RHOBTB1: variants seen among roughly 807,000 people sequenced by gnomAD.
RHOBTB1 encodes Rho related BTB domain containing 1.
A neutral mutation model predicts 71.6 loss-of-function variants in RHOBTB1; 40 were observed. The ratio of observed to expected loss-of-function variants is 0.56; its 90% CI spans 0.43 to 0.73. The LOEUF (loss-of-function observed/expected upper bound fraction) is 0.73. RHOBTB1 is among the 30% of genes least tolerant of loss of function. The probability of loss-of-function intolerance (pLI) is 0.00; values close to 1 mark genes in which losing one functional copy is unlikely to be tolerated. For synonymous variants in RHOBTB1, 319 were observed against 334.9 expected (o/e 0.95, Z 0.52); for missense variants, 797 against 894.0 (o/e 0.89, Z 1.38).
downstream of RHOBTB1, among the ~76,000 whole-genome samples, chr10:60,868,922 A>C (rs890098858): frequency 2.3e-4 from 35 of 152,220 alleles, no homozygotes; most frequent in African/African-American, 8.2e-4. Flanking sequence ...AGTTATGGGT[A>C]GCCTGTCACT....
chr10:60,952,962 A>G (rs1435886958), intron 2 of RHOBTB1, among the ~76,000 whole-genome samples: 1 of 152,126 alleles, frequency 6.6e-6, no homozygotes, highest in African/African-American at 2.4e-5. Flanking sequence ...AAAACACACA[A>G]CGCAAGCTTT....
intron 9 of RHOBTB1, among the ~76,000 whole-genome samples, chr10:60,874,065 A>G (rs566124133): frequency 1.3e-5 from 2 of 152,284 alleles, no homozygotes; most frequent in Admixed American, 1.3e-4. Context: ...TCTCCCTGAA[A>G]CCACCTCCTT....
At chr10:60,989,926 A>G (rs997858700) in intron 1 of RHOBTB1, among the ~76,000 whole-genome samples, 8 of 149,102 alleles carry the variant, frequency 5.4e-5, no homozygotes, top group African/African-American at 1.7e-4. Flanking sequence ...TACTCTTGGT[A>G]TGCAGGTTCA....
the RHOBTB1 span, among the ~76,000 whole-genome samples, chr10:60,862,866 TTCCTTCCTTCCC>T: frequency 3.6e-3 from 411 of 112,916 alleles, 3 homozygotes; most frequent in African/African-American, 0.013. Flanking sequence ...CCTCCCTCCC[TTCCTTCCTTCCC>T]TCCTTCCTTC....
At chr10:60,994,742 A>G (rs750959407) in intron 1 of RHOBTB1, among the ~76,000 whole-genome samples, 3 of 152,006 alleles carry the variant, frequency 2.0e-5, no homozygotes, top group Non-Finnish European at 2.9e-5. Flanking sequence ...TAAACTAAAT[A>G]AAAAATAACT....
At chr10:60,941,525 C>G (rs1283620770) in intron 2 of RHOBTB1, among the ~76,000 whole-genome samples, 1 of 152,098 alleles carries the variant, frequency 6.6e-6, no homozygotes, top group Admixed American at 6.6e-5. Context: ...CCCCAGTATT[C>G]TCAACCACGG....
intron 1 of RHOBTB1, among the ~76,000 whole-genome samples, chr10:60,989,873 A>C (rs557160536): frequency 1.3e-5 from 2 of 151,988 alleles, no homozygotes; most frequent in South Asian, 4.2e-4. Flanking sequence ...TGGCTGTAGG[A>C]GCACCACTGA....
At chr10:60,902,196 C>T (rs991291033) in intron 4 of RHOBTB1, among the ~76,000 whole-genome samples, 1 of 152,210 alleles carries the variant, frequency 6.6e-6, no homozygotes, top group African/African-American at 2.4e-5. Flanking sequence ...GAGAATGGTA[C>T]ATGTATCTTC....
At chr10:60,989,978 C>CTTTTTT (rs769184320) in intron 1 of RHOBTB1, among the ~76,000 whole-genome samples, 11 of 122,292 alleles carry the variant, frequency 9.0e-5, no homozygotes, top group Non-Finnish European at 1.5e-4. Flanking sequence ...TCAGAATGTC[C>CTTTTTT]TTTTTTTTTT....
intron 7 of RHOBTB1, among the ~76,000 whole-genome samples, chr10:60,879,214 C>CGGTGCTGG (rs2081191358): frequency 6.6e-6 from 1 of 152,122 alleles, no homozygotes; most frequent in African/African-American, 2.4e-5. Flanking sequence ...AATTTCTCTG[C>CGGTGCTGG]GGTGCTGGAA....
rs997115380 is a variant in RHOBTB1 at position 60,979,155 on chromosome 10, G to A, written c.-62+6690C>T. On this transcript the variant is annotated intron_variant, in intron 2 of 11. Coordinates refer to the RHOBTB1 transcript ENST00000357917. The stretch of plus-strand genomic sequence containing the variant: ...AGGAAAAGTGTGCCTAGGTTCAAAG[G>A]AAACTAATCCTCTTTTGTTTTTTTA... 3.3e-5 allele frequency among the ~76,000 whole-genome samples: 5 copies of A among 152,124 alleles called. No homozygotes were observed. The South Asian group carries it at 8.3e-4, about 25-fold the overall frequency.
intron 8 of RHOBTB1, among the ~76,000 whole-genome samples, chr10:60,875,582 C>T (rs113821031): frequency 6.6e-6 from 1 of 152,278 alleles, no homozygotes; most frequent in African/African-American, 2.4e-5. Context: ...CACATCACTG[C>T]AATCCTTAAT....
intron 2 of RHOBTB1, among the ~76,000 whole-genome samples, chr10:60,972,351 C>T (rs935303588): frequency 2.0e-5 from 3 of 152,100 alleles, no homozygotes; most frequent in African/African-American, 7.2e-5. Context: ...GAATACTATG[C>T]AGCCATAAAA....
At chr10:60,916,560 T>G (rs2083278715) in intron 2 of RHOBTB1, among the ~76,000 whole-genome samples, 1 of 152,190 alleles carries the variant, frequency 6.6e-6, no homozygotes, top group Non-Finnish European at 1.5e-5. Context: ...GTACCTTCAC[T>G]CCTCTATTTA....
intron 4 of RHOBTB1, 21 bp downstream of exon 4, chr10:60,910,866 G>T: frequency 1.9e-6 from 3 of 1,567,704 alleles, no homozygotes; most frequent in South Asian, 2.2e-5. Context: ...GCTCAACCAC[G>T]CTGTACTAGT....
At chr10:60,927,746 CAAACGATG>C (rs1376171867) in intron 2 of RHOBTB1, among the ~76,000 whole-genome samples, 2 of 152,104 alleles carry the variant, frequency 1.3e-5, no homozygotes, top group Non-Finnish European at 2.9e-5. Context: ...TCTAAGACCT[CAAACGATG>C]AAACGATTAT....
intron 2 of RHOBTB1, among the ~76,000 whole-genome samples, chr10:60,936,492 C>T (rs1161558894): frequency 1.3e-5 from 2 of 152,252 alleles, no homozygotes; most frequent in Admixed American, 1.3e-4. Context: ...TCACCGCCTA[C>T]ATCCCTCCTA....
At chr10:60,943,584 C>T (rs2085041940) in intron 1 of RHOBTB1, among the ~76,000 whole-genome samples, 1 of 152,200 alleles carries the variant, frequency 6.6e-6, no homozygotes, top group South Asian at 2.1e-4. Flanking sequence ...CTGTCCGGGT[C>T]CTCCGGTCCC....
intron 1 of RHOBTB1, among the ~76,000 whole-genome samples, chr10:60,990,022 G>T (rs913938851): frequency 1.5e-5 from 2 of 131,384 alleles, no homozygotes; most frequent in Non-Finnish European, 1.5e-5. Flanking sequence ...TCGTTCTGTC[G>T]CCTAGGCTGG....
Sources: allele counts gnomAD v4.1 joint callset (sites outside exome capture counted in the v4.1 genomes callset), GRCh38; gene constraint gnomAD v4.1.1; transcripts MANE v1.5; gene names NCBI Gene and HGNC (gene_info 2026-07-23, HGNC 2026-07-21).